The following GOLGA8S variants were observed in gnomAD, a reference collection of about 807,000 sequenced individuals.
GOLGA8S encodes the protein golgin A8 family member S.
A neutral mutation model predicts 58.9 loss-of-function variants in GOLGA8S; 23 were observed. The ratio of observed to expected loss-of-function variants is 0.39; its 90% CI spans 0.28 to 0.55. The LOEUF is 0.55. Among genes scored for constraint, GOLGA8S ranks in the 20% least tolerant of loss-of-function variants. The probability of loss-of-function intolerance (pLI) is 0.63; values close to 1 mark genes in which losing one functional copy is unlikely to be tolerated. For synonymous variants in GOLGA8S, 84 were observed against 195.7 expected, an observed-to-expected ratio of 0.43 and a Z score of 4.76; for missense variants, 266 against 514.2, an observed-to-expected ratio of 0.52 and a Z score of 4.67.
chr15:23,361,375 T>G (rs1468257035), exon 12 of GOLGA8S: 1 of 1,123,516 alleles, frequency 8.9e-7, no homozygotes, highest in Admixed American at 1.7e-5. Flanking sequence ...AGGAGAGGCT[T>G]CGGGAGCAGC....
At chr15:23,361,088 G>C in intron 11 of GOLGA8S, 133 bp from the exon 12 acceptor site, 1 of 925,684 alleles carries the variant, frequency 1.1e-6, no homozygotes, top group Admixed American at 2.6e-5. Flanking sequence ...TAGCAGTGAG[G>C]CCAAGTTTGA....
rs866545350 is a variant in GOLGA8S at position 23,362,728 on chromosome 15, G to C, written c.1180-437G>C. Among the ~76,000 whole-genome samples, 95 of 142,906 alleles carry C rather than the reference G, an allele frequency of 6.6e-4. 3 individuals carry two copies. The highest frequency in any genetic ancestry group is 7.3e-3 in the Middle Eastern group (2 of 274). 93.8% of individuals were successfully genotyped at this position (142,906 alleles called of 152,430 possible). ...CACTTAGGCCTGAAGTAAGGGGCCAGGGGCCTGGGCAGGCGACAGAGCCCC... is the reference window on the plus strand; with the variant it reads ...CACTTAGGCCTGAAGTAAGGGGCCACGGGCCTGGGCAGGCGACAGAGCCCC... On this transcript the variant is annotated intron_variant, in intron 13 of 18. Coordinates refer to ENST00000562295, the Ensembl canonical transcript of GOLGA8S.
exon 9 of GOLGA8S, chr15:23,360,235 T>A (rs1348015218): frequency 8.7e-7 from 1 of 1,154,462 alleles, no homozygotes; most frequent in Non-Finnish European, 1.3e-6. Context: ...TCAGCAGTTC[T>A]CCAGCCGCAG....
chr15:23,364,522 G>A lies in GOLGA8S; in HGVS notation c.1449-4G>A, dbSNP rs759567595. 4.1e-5 allele frequency: 66 copies of A among 1,602,470 alleles called. 2 individuals are homozygous for A. Among genetic ancestry groups the A allele is most frequent in the Middle Eastern group, 1.9e-4 (1 of 5,316 alleles). ...CCCAGCGTCTGAGCCCTGTCCTCCCGCAGGAAAATCCATCACCTTTTATCA... is the reference window on the plus strand; with the variant it reads ...CCCAGCGTCTGAGCCCTGTCCTCCCACAGGAAAATCCATCACCTTTTATCA... On this transcript the variant is annotated splice_region_variant and splice_polypyrimidine_tract_variant and intron_variant, in intron 16 of 18. Transcript: ENST00000562295.
intron 4 of GOLGA8S, among the ~76,000 whole-genome samples, 183 bp from the exon 5 acceptor site, chr15:23,358,289 G>A (rs1373693942): frequency 3.9e-5 from 6 of 152,380 alleles, no homozygotes; most frequent in African/African-American, 1.4e-4. Flanking sequence ...GTGGGCAAAA[G>A]CCAACAAAGA....
At chr15:23,364,311 G>T (rs1375843710) in intron 15 of GOLGA8S, 32 bp from the exon 16 acceptor site, 4 of 1,597,038 alleles carry the variant, frequency 2.5e-6, no homozygotes, top group Admixed American at 3.3e-5. Context: ...GCAGGTCGCT[G>T]CCGAGATGTG....
rs1369237741 is a variant in GOLGA8S, at chr15:23,360,635, G to T, written c.787-93G>T. 5.7e-5 allele frequency: 72 copies of T among 1,274,182 alleles called. 3 individuals are homozygous for T. Among genetic ancestry groups the T allele is most frequent in the Non-Finnish European group, 8.0e-5 (70 of 874,886 alleles). 78.9% of individuals were successfully genotyped at this position (1,274,182 alleles called of 1,614,324 possible). A position where few individuals can be genotyped will look rare whatever the true frequency, so the allele number is the denominator to read the frequency against. On this transcript the variant is annotated intron_variant, in intron 10 of 18. Transcript: ENST00000562295. ...AGAGCCAGAGGTGGTCATGGGACTG[G>T]GCTTTGTGGAGGTGGGGGCAGAGAG...
Position 23,360,591 on chromosome 15 carries a change from C to T in GOLGA8S, c.786+59C>T, listed in dbSNP as rs1596016171. ...ATAGGTCACTGGATCTTTCTGGGCACCTGTAAAATGGGAATAGTAGAGCCA... is the reference window on the plus strand; with the variant it reads ...ATAGGTCACTGGATCTTTCTGGGCATCTGTAAAATGGGAATAGTAGAGCCA... On this transcript the variant is annotated intron_variant, in intron 10 of 18. Coordinates refer to ENST00000562295, the Ensembl canonical transcript of GOLGA8S. 1.6e-5 allele frequency: 17 copies of T among 1,056,356 alleles called. 2 individuals are homozygous for T. The East Asian group carries it at 2.6e-4, about 16-fold the overall frequency. The allele number at this position is 1,056,356 out of a possible 1,614,324, so 65.4% of individuals were successfully genotyped here.
intron 1 of GOLGA8S, among the ~76,000 whole-genome samples, 189 bp from the exon 2 acceptor site, chr15:23,356,402 T>A (rs1478077953): frequency 1.6e-5 from 2 of 128,322 alleles, no homozygotes; most frequent in African/African-American, 5.2e-5. Flanking sequence ...CCTTTTTCTT[T>A]TCTTCTTTTT....
intron 13 of GOLGA8S, 85 bp downstream of exon 13, chr15:23,361,877 C>T: frequency 1.1e-6 from 1 of 884,078 alleles, no homozygotes; most frequent in Non-Finnish European, 1.9e-6. Flanking sequence ...AGGTGCCAGG[C>T]CAGCGGTAGC....
Position 23,364,216 on chromosome 15 carries a change from T to C in GOLGA8S, c.1348-127T>C, listed in dbSNP as rs3963619. 2.8e-3 allele frequency: 4,117 copies of C among 1,486,754 alleles called. 41 individuals are homozygous for C. Among genetic ancestry groups the C allele is most frequent in the East Asian group, 6.0e-3 (247 of 41,044 alleles). 92.1% of individuals were successfully genotyped at this position (1,486,754 alleles called of 1,614,324 possible). A position where few individuals can be genotyped will look rare whatever the true frequency, so the allele number is the denominator to read the frequency against. ...CGAGTCTGTGAGTGGGGAGACCCAC[T>C]GGGCCCTGCAGGAAGTCACGGAGAA... On this transcript the variant is annotated intron_variant, in intron 15 of 18. Transcript: ENST00000562295.
At chr15:23,359,933 A>T (rs2069757193) in intron 8 of GOLGA8S, among the ~76,000 whole-genome samples, 1 of 149,116 alleles carries the variant, frequency 6.7e-6, no homozygotes, top group Non-Finnish European at 1.5e-5. Context: ...ATTAAATGGG[A>T]TTGCTAGCAT....
chr15:23,359,527 C>A (rs1324406606), intron 8 of GOLGA8S, among the ~76,000 whole-genome samples: 1 of 141,834 alleles, frequency 7.1e-6, no homozygotes, highest in East Asian at 2.0e-4. Flanking sequence ...AGAAGAGTAC[C>A]TTTAGTATGT....
chr15:23,359,289 GA>G lies in GOLGA8S; in HGVS notation c.591+81del, dbSNP rs1166608704. On this transcript the variant is annotated intron_variant, in intron 8 of 18. Transcript: ENST00000562295. ...GTGAGCCTAAAGGTCCCTTCTGCAG[GA>G]TGGAGTGTCCTGCCCAGAAGGCAGC... 1.9e-5 allele frequency: 13 copies of G among 673,518 alleles called. 2 individuals carry two copies. Among genetic ancestry groups the G allele is most frequent in the Non-Finnish European group, 3.5e-5 (13 of 367,258 alleles). The allele number at this position is 673,518 out of a possible 1,614,324, so 41.7% of individuals were successfully genotyped here. A position where few individuals can be genotyped will look rare whatever the true frequency, so the allele number is the denominator to read the frequency against.
chr15:23,368,227 G>A (rs1194590216), downstream of GOLGA8S, among the ~76,000 whole-genome samples: 1 of 151,936 alleles, frequency 6.6e-6, no homozygotes, highest in Non-Finnish European at 1.5e-5. Context: ...AACAGAATGT[G>A]TAATGGAAAT....
chr15:23,358,297 A>T (rs878970448), intron 4 of GOLGA8S, among the ~76,000 whole-genome samples, 175 bp from the exon 5 acceptor site: 1 of 150,346 alleles, frequency 6.7e-6, no homozygotes, highest in East Asian at 1.9e-4. Context: ...AAGCCAACAA[A>T]GACCCAAATC....
chr15:23,365,268 T>C (rs1026141536), downstream of GOLGA8S: 34 of 1,064,088 alleles, frequency 3.2e-5, no homozygotes, highest in Non-Finnish European at 4.6e-5. Context: ...TTCTAATTTA[T>C]AGTTTTAAGT....
chr15:23,359,549 T>TAG (rs2069749259), intron 8 of GOLGA8S, among the ~76,000 whole-genome samples: 1 of 141,540 alleles, frequency 7.1e-6, no homozygotes, highest in South Asian at 2.3e-4. Context: ...ACCATTTCTG[T>TAG]AGAGAGAGGA....
At position 23,364,106 on chromosome 15, in the gene GOLGA8S, G is replaced by C. The variant is rs1596019065; in HGVS notation, c.1348-237G>C. On this transcript the variant is annotated intron_variant, in intron 15 of 18. Transcript: ENST00000562295. ...AGAGCAGGTGAAAGAGCAGAGGGTG[G>C]CTGCCAGCGCCTGGCTCACCTGGTG... 1.6e-5 allele frequency among the ~76,000 whole-genome samples: 2 copies of C among 123,756 alleles called. 1 individual carries two copies. Among genetic ancestry groups the C allele is most frequent in the African/African-American group, 5.9e-5 (2 of 33,630 alleles). The allele number at this position is 123,756 out of a possible 152,430, so 81.2% of individuals were successfully genotyped here. A position where few individuals can be genotyped will look rare whatever the true frequency, so the allele number is the denominator to read the frequency against.
Sources: gnomAD v4.1 joint callset for allele counts (sites outside exome capture counted in the v4.1 genomes callset) on GRCh38, gnomAD v4.1.1 for gene constraint, MANE v1.5 for transcripts, NCBI Gene and HGNC (gene_info 2026-07-23, HGNC 2026-07-21) for gene names.